The following MTMR10 variants were observed in gnomAD, a reference collection of about 807,000 sequenced individuals.
MTMR10 encodes myotubularin related protein 10, also known as myotubularin-related protein 10.
Under a neutral mutation model 88.1 loss-of-function variants are expected in MTMR10, and 56 were observed. The ratio of observed to expected loss-of-function variants is 0.64; its 90% CI spans 0.51 to 0.79. MTMR10 has a LOEUF of 0.79. MTMR10 is among the 30% of genes least tolerant of loss of function. The pLI is 0.00. For missense variants in MTMR10, 883 were observed against 924.7 expected (o/e 0.95, Z 0.58); for synonymous variants, 380 against 340.9 (o/e 1.11, Z -1.26).
At chr15:30,919,676 G>A in the MTMR10 span, among the ~76,000 whole-genome samples, 2 of 146,186 alleles carry the variant, frequency 1.4e-5, no homozygotes, top group African/African-American at 2.6e-5. Context: ...GTGACAGAGC[G>A]AGACTCTGTC....
the MTMR10 span, among the ~76,000 whole-genome samples, chr15:30,924,612 C>A: frequency 6.6e-6 from 1 of 152,142 alleles, no homozygotes; most frequent in African/African-American, 2.4e-5. Flanking sequence ...GTAATTCCTC[C>A]AAACCTTTGG....
intron 15 of MTMR10, chr15:30,942,682 A>G (rs1302611998): frequency 1.2e-5 from 6 of 514,490 alleles, no homozygotes; most frequent in Middle Eastern, 5.0e-4. Flanking sequence ...CAATCTGCCC[A>G]CTCTCAGGTA....
intron 12 of MTMR10, among the ~76,000 whole-genome samples, chr15:30,951,513 A>T (rs1164907702): frequency 6.6e-6 from 1 of 150,888 alleles, no homozygotes; most frequent in Non-Finnish European, 1.5e-5. Context: ...GTTTTTATTT[A>T]TTTTTTTTTT....
At chr15:30,923,359 C>A in the MTMR10 span, among the ~76,000 whole-genome samples, 2 of 152,138 alleles carry the variant, frequency 1.3e-5, no homozygotes, top group Non-Finnish European at 2.9e-5. Context: ...GTGTTTCTGT[C>A]GCCTTTCTTT....
At chr15:30,983,048 T>A (rs12914438) in intron 2 of MTMR10, among the ~76,000 whole-genome samples, 89,278 of 152,094 alleles carry the variant, frequency 0.59, 27,625 homozygotes, top group African/African-American at 0.77. Flanking sequence ...GCTCTAGAGG[T>A]TCTGAAGTTT....
intron 6 of MTMR10, among the ~76,000 whole-genome samples, chr15:30,964,035 G>C (rs1458442839): frequency 6.6e-6 from 1 of 151,844 alleles, no homozygotes; most frequent in Non-Finnish European, 1.5e-5. Flanking sequence ...AACAACGTTA[G>C]CAAGTTTGGA....
At chr15:30,942,556 C>G (rs2063090636) in intron 15 of MTMR10, 1 of 342,360 alleles carries the variant, frequency 2.9e-6, no homozygotes, top group Admixed American at 4.4e-5. Context: ...ATATAGCAGT[C>G]AGGAGGCCAT....
the MTMR10 span, chr15:30,922,467 T>C: frequency 1.4e-5 from 15 of 1,102,140 alleles, no homozygotes; most frequent in Non-Finnish European, 2.0e-5. Context: ...GTATTTCTTT[T>C]GTTAACATTC....
At chr15:30,934,523 G>A (rs1241755568), downstream of MTMR10, among the ~76,000 whole-genome samples, 5 of 152,008 alleles carry the variant, frequency 3.3e-5, no homozygotes, top group Non-Finnish European at 7.4e-5. Context: ...ACAGGTGCAC[G>A]CCACCATGCC....
chr15:30,958,103 A>G (rs1170101577), intron 9 of MTMR10, among the ~76,000 whole-genome samples: 2 of 152,220 alleles, frequency 1.3e-5, no homozygotes, highest in Non-Finnish European at 2.9e-5. Context: ...TAATGAGTTT[A>G]AGGGGTCTTT....
chr15:30,928,835 A>C, the MTMR10 span: 1 of 958,476 alleles, frequency 1.0e-6, no homozygotes, highest in African/African-American at 1.8e-5. Context: ...TTAAGATGTA[A>C]GTATGTGAAG....
chr15:30,990,932 G>GC (rs2031275112), intron 1 of MTMR10, 95 bp from the exon 2 acceptor site: 8 of 1,024,224 alleles, frequency 7.8e-6, no homozygotes, highest in Middle Eastern at 2.0e-4. Flanking sequence ...TGACACATGC[G>GC]AAAGACACAC....
chr15:30,984,853 ATT>A (rs748704036), intron 2 of MTMR10, among the ~76,000 whole-genome samples: 6 of 152,168 alleles, frequency 3.9e-5, no homozygotes, highest in Non-Finnish European at 8.8e-5. Flanking sequence ...GAGCACAAGC[ATT>A]TGTTTCCAGA....
the MTMR10 span, among the ~76,000 whole-genome samples, chr15:30,933,326 T>C: frequency 6.6e-6 from 1 of 152,244 alleles, no homozygotes; most frequent in South Asian, 2.1e-4. Context: ...GTTGTTTTCA[T>C]TTTCATTCAG....
At chr15:30,981,995 C>T (rs376542752) in intron 2 of MTMR10, among the ~76,000 whole-genome samples, 2 of 151,264 alleles carry the variant, frequency 1.3e-5, no homozygotes, top group East Asian at 1.9e-4. Context: ...CGCTCAAACT[C>T]GGGAGCTGGA....
At position 30,986,805 on chromosome 15, in the gene MTMR10, C is replaced by G. The variant is rs548461581; in HGVS notation, c.121+3972G>C. On this transcript the variant is annotated intron_variant, in intron 2 of 15. Coordinates refer to ENST00000435680, the MANE Select transcript of MTMR10 (RefSeq NM_017762.3). ...AGGCAGCTTAGGGCTCACCCCACGC[C>G]TTTCTGCGATACAGGCACATGACAC... Among the ~76,000 whole-genome samples, 16 of 152,314 alleles carry G rather than the reference C, an allele frequency of 1.1e-4. No individual in the cohort carries two copies. In the South Asian group the frequency reaches 3.3e-3, roughly 32 times the overall value.
At chr15:30,922,998 T>C in the MTMR10 span, among the ~76,000 whole-genome samples, 2 of 152,088 alleles carry the variant, frequency 1.3e-5, no homozygotes, top group African/African-American at 2.4e-5. Context: ...TGGTTCTTTG[T>C]GTGGCCGCCA....
the MTMR10 span, among the ~76,000 whole-genome samples, chr15:30,918,747 T>C: frequency 2.6e-5 from 4 of 152,238 alleles, no homozygotes; most frequent in Non-Finnish European, 5.9e-5. Flanking sequence ...ATCTTTTATT[T>C]TGTTGAAAAT....
chr15:30,925,243 G>A, the MTMR10 span: 3 of 1,614,140 alleles, frequency 1.9e-6, no homozygotes, highest in Admixed American at 3.3e-5. Flanking sequence ...AAAAGTTCAA[G>A]CACCTCTTCC....
Sources: gnomAD v4.1 joint callset for allele counts (sites outside exome capture counted in the v4.1 genomes callset) on GRCh38, gnomAD v4.1.1 for gene constraint, MANE v1.5 for transcripts, NCBI Gene and HGNC (gene_info 2026-07-23, HGNC 2026-07-21) for gene names.